The following FOXN3 variants were observed in gnomAD, a reference collection of about 807,000 sequenced individuals.
The protein encoded by FOXN3 is forkhead box N3, also known as forkhead box protein N3.
A neutral mutation model predicts 38.4 loss-of-function variants in FOXN3; 7 were observed. The observed-to-expected ratio is 0.18, with a 90% CI of 0.10 to 0.34. FOXN3 has a LOEUF of 0.34. FOXN3 is among the 10% of genes least tolerant of loss of function. The probability of loss-of-function intolerance (pLI) is 1.00; values close to 1 mark genes in which losing one functional copy is unlikely to be tolerated. For synonymous variants in FOXN3, 230 were observed against 242.2 expected (o/e 0.95, Z 0.47); for missense variants, 456 against 613.4 (o/e 0.74, Z 2.71).
chr14:89,495,793 G>T (rs1268317962), intron 1 of FOXN3, among the ~76,000 whole-genome samples: 2 of 152,158 alleles, frequency 1.3e-5, no homozygotes, highest in African/African-American at 2.4e-5. Context: ...AACTTGGTAG[G>T]TATCACCAAT....
At chr14:89,526,255 G>A (rs1234391447) in intron 1 of FOXN3, among the ~76,000 whole-genome samples, 2 of 152,036 alleles carry the variant, frequency 1.3e-5, no homozygotes, top group Non-Finnish European at 2.9e-5. Flanking sequence ...TTGTATTGGA[G>A]GTTCTAACCA....
chr14:89,245,611 A>G (rs1885270610), intron 4 of FOXN3, among the ~76,000 whole-genome samples: 1 of 152,220 alleles, frequency 6.6e-6, no homozygotes, highest in African/African-American at 2.4e-5. Context: ...TATGAAATAA[A>G]GTAAAAGGGG....
chr14:89,307,829 A>C (rs1190816517), intron 3 of FOXN3, among the ~76,000 whole-genome samples: 6 of 152,232 alleles, frequency 3.9e-5, no homozygotes, highest in Non-Finnish European at 5.9e-5. Flanking sequence ...ATCCTATAGC[A>C]GTCTCTGCTA....
chr14:89,203,808 G>A (rs942819629), intron 4 of FOXN3, among the ~76,000 whole-genome samples: 1 of 151,952 alleles, frequency 6.6e-6, no homozygotes, highest in Admixed American at 6.6e-5. Context: ...CCAGTCTGAC[G>A]GTCCTCATCC....
rs12436442 is a variant in FOXN3, at chr14:89,284,577, C to A, written c.681-3563G>T. ...GCTAGGACTCTCTCCAAGGCAAAGT[C>A]CCAGGCTAGAAAAAGCAATCAGACT... On this transcript the variant is annotated intron_variant, in intron 3 of 5. Transcript: ENST00000557258. The A allele has an allele frequency of 5.3e-3, 2,435 of 456,004 alleles. 50 individuals are homozygous for A. Among genetic ancestry groups the A allele is most frequent in the African/African-American group, 0.044 (2,202 of 50,144 alleles). The allele number at this position is 456,004 out of a possible 1,614,324, so 28.2% of individuals were successfully genotyped here. A position where few individuals can be genotyped will look rare whatever the true frequency, so the allele number is the denominator to read the frequency against.
At chr14:89,202,676 G>A (rs1888265025) in intron 4 of FOXN3, among the ~76,000 whole-genome samples, 1 of 152,084 alleles carries the variant, frequency 6.6e-6, no homozygotes, top group Non-Finnish European at 1.5e-5. Flanking sequence ...AGAGCTGGTT[G>A]TTAAAAAGAG....
chr14:89,304,097 T>C (rs1233446459), intron 3 of FOXN3, among the ~76,000 whole-genome samples: 1 of 152,226 alleles, frequency 6.6e-6, no homozygotes, highest in Non-Finnish European at 1.5e-5. Flanking sequence ...TGCTGTCACA[T>C]GCAAACTTGA....
rs1473143656 is a variant in FOXN3 at position 89,350,702 on chromosome 14, G to A, written c.650C>T (p.Thr217Ile). ...ATATGCCTGAGGACAGGTGGGAGGT[G>A]TATTGAACACGTGTGGGTGTGGGTG... Reference protein sequence around the residue: ...PYHPHPHVFNTPPTCPQAYQS... With the variant: ...PYHPHPHVFNIPPTCPQAYQS... The change falls in exon 3 of 6, where the codon ACA becomes ATA. Residue 217 changes from threonine to isoleucine, a missense_variant. Coordinates refer to ENST00000557258, the MANE Select transcript of FOXN3 (RefSeq NM_005197.4). 1.3e-6 allele frequency: 2 copies of A among 1,586,436 alleles called. No homozygotes were observed. The highest frequency in any genetic ancestry group is 8.5e-7 in the Non-Finnish European group (1 of 1,169,828).
chr14:89,390,744 T>A (rs1463994825), intron 2 of FOXN3, among the ~76,000 whole-genome samples: 1 of 152,186 alleles, frequency 6.6e-6, no homozygotes, highest in African/African-American at 2.4e-5. Flanking sequence ...AGAGAGTCCC[T>A]TGCCCTCCCC....
intron 1 of FOXN3, among the ~76,000 whole-genome samples, chr14:89,477,992 T>C (rs1464333560): frequency 1.3e-5 from 2 of 152,154 alleles, no homozygotes; most frequent in Admixed American, 6.5e-5. Context: ...GTTTGGATAT[T>C]TGTCCCCACC....
chr14:89,371,815 C>G (rs570065846), intron 2 of FOXN3, among the ~76,000 whole-genome samples: 87 of 152,256 alleles, frequency 5.7e-4, no homozygotes, highest in African/African-American at 2.0e-3. Flanking sequence ...GAGCTGCACC[C>G]TGCTATCAAA....
At chr14:89,354,900 C>A (rs1459271944) in intron 2 of FOXN3, among the ~76,000 whole-genome samples, 2 of 151,856 alleles carry the variant, frequency 1.3e-5, no homozygotes, top group Non-Finnish European at 1.5e-5. Flanking sequence ...GGGCCACACA[C>A]CATTAAGTGT....
intron 2 of FOXN3, among the ~76,000 whole-genome samples, chr14:89,352,887 C>T (rs928989194): frequency 6.6e-6 from 1 of 152,174 alleles, no homozygotes; most frequent in African/African-American, 2.4e-5. Context: ...TGTATGCTAC[C>T]ATTTAAAAGC....
At chr14:89,394,927 G>C (rs1430803077) in intron 2 of FOXN3, among the ~76,000 whole-genome samples, 1 of 152,246 alleles carries the variant, frequency 6.6e-6, no homozygotes. Context: ...AACAGCATAG[G>C]AGAGGGCTTT....
intron 1 of FOXN3, among the ~76,000 whole-genome samples, chr14:89,532,345 G>T (rs1274291349): frequency 4.6e-5 from 7 of 152,128 alleles, no homozygotes; most frequent in African/African-American, 1.7e-4. Flanking sequence ...TGTTTTTAAA[G>T]AAAGAAAATA....
intron 1 of FOXN3, among the ~76,000 whole-genome samples, chr14:89,423,660 C>T (rs183917503): frequency 9.7e-4 from 148 of 152,200 alleles, no homozygotes; most frequent in African/African-American, 3.3e-3. Context: ...AAAAGACGCT[C>T]AAAACTGTAA....
intron 4 of FOXN3, among the ~76,000 whole-genome samples, chr14:89,266,021 C>A (rs1459207122): frequency 1.3e-5 from 2 of 152,194 alleles, no homozygotes; most frequent in East Asian, 3.8e-4. Context: ...CTTAAGCAGC[C>A]AACCTTGGGA....
intron 1 of FOXN3, among the ~76,000 whole-genome samples, chr14:89,547,228 TTTA>T (rs1894905825): frequency 7.1e-4 from 1 of 1,414 alleles, no homozygotes; most frequent in South Asian, 0.021. Context: ...CACTAGGTTA[TTTA>T]TTTATTTATT....
At chr14:89,279,438 C>T (rs958056974) in intron 4 of FOXN3, among the ~76,000 whole-genome samples, 2 of 152,116 alleles carry the variant, frequency 1.3e-5, no homozygotes, top group Non-Finnish European at 2.9e-5. Flanking sequence ...GAATAAAAAT[C>T]GTGAGAAAAG....
Sources: allele counts gnomAD v4.1 joint callset (sites outside exome capture counted in the v4.1 genomes callset), GRCh38; gene constraint gnomAD v4.1.1; transcripts MANE v1.5; gene names NCBI Gene and HGNC (gene_info 2026-07-23, HGNC 2026-07-21).